CAPRIN1: variants seen among roughly 807,000 people sequenced by gnomAD.
The protein encoded by CAPRIN1 is cell cycle associated protein 1, also known as caprin-1.
Under a neutral mutation model 100.9 loss-of-function variants are expected in CAPRIN1, and 29 were observed. The ratio of observed to expected loss-of-function variants is 0.29; its 90% CI spans 0.21 to 0.39. The LOEUF (loss-of-function observed/expected upper bound fraction) is 0.39. CAPRIN1 is among the 10% of genes least tolerant of loss of function. The pLI is 1.00. For synonymous variants in CAPRIN1, 338 were observed against 307.5 expected, an observed-to-expected ratio of 1.10 and a Z score of -1.04; for missense variants, 795 against 876.7, an observed-to-expected ratio of 0.91 and a Z score of 1.18.
At chr11:34,064,996 G>C (rs113920797) in intron 2 of CAPRIN1, among the ~76,000 whole-genome samples, 14,050 of 113,918 alleles carry the variant, frequency 0.12, 794 homozygotes, top group Middle Eastern at 0.2. Flanking sequence ...GTCTCGCTCT[G>C]TTGCCCAGGC....
chr11:34,075,817 G>T (rs1850895715), intron 4 of CAPRIN1, among the ~76,000 whole-genome samples: 1 of 152,128 alleles, frequency 6.6e-6, no homozygotes, highest in Non-Finnish European at 1.5e-5. Context: ...TATGCATAAT[G>T]AAAAACTTCA....
At chr11:34,097,881 A>T (rs1851396197) in intron 18 of CAPRIN1, 120 bp downstream of exon 18, 2 of 1,499,560 alleles carry the variant, frequency 1.3e-6, no homozygotes, top group East Asian at 4.6e-5. Flanking sequence ...GTTGCTAGGG[A>T]TTAAATGAAA....
intron 2 of CAPRIN1, among the ~76,000 whole-genome samples, chr11:34,055,296 T>C (rs1002180874): frequency 1.3e-5 from 2 of 152,026 alleles, no homozygotes; most frequent in Admixed American, 6.6e-5. Context: ...CCTAAGTAGC[T>C]GTGATTACAA....
chr11:34,066,575 G>C (rs866901643), intron 2 of CAPRIN1, among the ~76,000 whole-genome samples: 15 of 148,600 alleles, frequency 1.0e-4, no homozygotes, highest in Middle Eastern at 4.0e-3. Context: ...CTTGTGATCC[G>C]CCTGCCTCAG....
At position 34,082,883 on chromosome 11, in the gene CAPRIN1, A is replaced by AT; in HGVS notation, c.879+10dup. The AT allele has an allele frequency of 6.2e-7, 1 of 1,613,936 alleles. No individual in the cohort carries two copies. The highest frequency in any genetic ancestry group is 8.5e-7 in the Non-Finnish European group (1 of 1,179,828). The stretch of plus-strand genomic sequence containing the variant: ...GTGAAGTTGAATCAACAGAGGTATG[A>AT]TTTTAATTTAATGCTGCCTTTACTT... On this transcript the variant is annotated splice_region_variant and intron_variant, in intron 8 of 18. Coordinates refer to ENST00000341394, the MANE Select transcript of CAPRIN1 (RefSeq NM_005898.5).
At chr11:34,064,437 CTT>C (rs1297339223) in intron 2 of CAPRIN1, among the ~76,000 whole-genome samples, 1 of 152,172 alleles carries the variant, frequency 6.6e-6, no homozygotes, top group Non-Finnish European at 1.5e-5. Context: ...TCATTTTTCT[CTT>C]GAGTAGTCTG....
rs570789195 is a variant in CAPRIN1, at chr11:34,068,763, C to T, written c.217-2963C>T. On this transcript the variant is annotated intron_variant, in intron 2 of 18. Coordinates refer to ENST00000341394, the MANE Select transcript of CAPRIN1 (RefSeq NM_005898.5). ...AACACAGCTCTGGCTATAATTTTAC[C>T]ACTCAGGTACCATTCTTACCTTTTT... Among the ~76,000 whole-genome samples, 12 of 152,274 alleles carry T rather than the reference C, an allele frequency of 7.9e-5. No individual in the cohort carries two copies. In the South Asian group the frequency reaches 2.5e-3, roughly 32 times the overall value.
At chr11:34,052,972 CTT>C in intron 2 of CAPRIN1, 1 of 1,091,408 alleles carries the variant, frequency 9.2e-7, no homozygotes, top group African/African-American at 1.7e-5. Context: ...GTATGGTGCC[CTT>C]CTTTCCGTCT....
chr11:34,091,873 G>A, intron 14 of CAPRIN1, 33 bp from the exon 15 acceptor site: 1 of 1,582,652 alleles, frequency 6.3e-7, no homozygotes, highest in Non-Finnish European at 8.6e-7. Context: ...AGAATAAAAG[G>A]ATGAACTAAT....
At chr11:34,055,082 C>T (rs967858832) in intron 2 of CAPRIN1, among the ~76,000 whole-genome samples, 1 of 152,160 alleles carries the variant, frequency 6.6e-6, no homozygotes, top group African/African-American at 2.4e-5. Context: ...TGAACCATGA[C>T]TGGTCATTAA....
chr11:34,074,116 AG>A (rs1484247044), intron 4 of CAPRIN1, among the ~76,000 whole-genome samples: 7 of 152,208 alleles, frequency 4.6e-5, no homozygotes, highest in Non-Finnish European at 1.0e-4. Context: ...CTTGAATTTT[AG>A]GGGGATGCAT....
intron 6 of CAPRIN1, among the ~76,000 whole-genome samples, chr11:34,078,060 C>T (rs1012521040): frequency 6.6e-6 from 1 of 152,166 alleles, no homozygotes; most frequent in African/African-American, 2.4e-5. Flanking sequence ...CTTGTTCCCA[C>T]ATCTTAGGAA....
rs553227181 is a variant in CAPRIN1, at chr11:34,076,579, C to G, written c.625C>G (p.His209Asp). 1 of 1,613,632 alleles carries G rather than the reference C, an allele frequency of 6.2e-7. No homozygotes were observed. Among genetic ancestry groups the G allele is most frequent in the Non-Finnish European group, 8.5e-7 (1 of 1,179,658 alleles). ...TAAAAGGTTGAATGAACAGTATGAA[C>G]ATGCCTCCATTCACCTGTGGGACCT... ...MSLRLNEQYEHASIHLWDLLE... is the reference protein window; with the variant it reads ...MSLRLNEQYEDASIHLWDLLE... The change falls in exon 6 of 19, where the codon CAT becomes GAT. Residue 209 changes from histidine (H) to aspartate (D), a missense_variant. Coordinates refer to ENST00000341394, the MANE Select transcript of CAPRIN1 (RefSeq NM_005898.5).
intron 9 of CAPRIN1, among the ~76,000 whole-genome samples, chr11:34,085,260 C>T (rs1851115869): frequency 6.6e-6 from 1 of 152,120 alleles, no homozygotes; most frequent in African/African-American, 2.4e-5. Context: ...GCTTTGGCTT[C>T]TGTAGCAGTT....
At chr11:34,057,108 A>G (rs1481929406) in intron 2 of CAPRIN1, among the ~76,000 whole-genome samples, 1 of 152,210 alleles carries the variant, frequency 6.6e-6, no homozygotes, top group Non-Finnish European at 1.5e-5. Context: ...ATTCTTAACT[A>G]TTTTATAAGT....
chr11:34,054,168 T>G (rs1022752631), intron 2 of CAPRIN1, among the ~76,000 whole-genome samples: 2 of 152,242 alleles, frequency 1.3e-5, no homozygotes, highest in Non-Finnish European at 2.9e-5. Context: ...CTTCCCTGTT[T>G]CATCTTCGGT....
chr11:34,099,182 C>T (rs1851416928), intron 18 of CAPRIN1, 121 bp from the exon 19 acceptor site: 1 of 1,520,334 alleles, frequency 6.6e-7, no homozygotes, highest in Non-Finnish European at 8.9e-7. Context: ...GAATTGACCT[C>T]TTAAGCCTAA....
intron 2 of CAPRIN1, among the ~76,000 whole-genome samples, chr11:34,071,324 G>A (rs1850800885): frequency 6.6e-6 from 1 of 152,186 alleles, no homozygotes; most frequent in African/African-American, 2.4e-5. Flanking sequence ...AACACTTGGG[G>A]AGGCCGAGGC....
chr11:34,088,262 CA>C (rs1459467019), intron 11 of CAPRIN1, among the ~76,000 whole-genome samples: 2 of 152,130 alleles, frequency 1.3e-5, no homozygotes, highest in African/African-American at 4.8e-5. Context: ...CTCGGCCTCC[CA>C]AAGTGCTGGG....
Sources: allele counts gnomAD v4.1 joint callset (sites outside exome capture counted in the v4.1 genomes callset), GRCh38; gene constraint gnomAD v4.1.1; transcripts MANE v1.5; gene names NCBI Gene and HGNC (gene_info 2026-07-23, HGNC 2026-07-21).